Variants in AIG1 observed in about 807,000 individuals in gnomAD.
AIG1 encodes androgen-induced gene 1 protein.
Under a neutral mutation model 31.4 loss-of-function variants are expected in AIG1, and 23 were observed. That is an observed-to-expected ratio of 0.73 (90% CI 0.53 to 1.04). AIG1 has a LOEUF of 1.04. AIG1 is among the 50% of genes least tolerant of loss of function. AIG1 has a pLI of 0.00. For synonymous variants in AIG1, 100 were observed against 110.5 expected (o/e 0.90, Z 0.60); for missense variants, 274 against 295.0 (o/e 0.93, Z 0.52).
intron 1 of AIG1, among the ~76,000 whole-genome samples, chr6:143,089,048 T>TA (rs891417182): frequency 4.6e-5 from 7 of 152,000 alleles, no homozygotes; most frequent in African/African-American, 1.2e-4. Flanking sequence ...CCATCTCTAC[T>TA]AAAAATACAA....
chr6:143,225,406 A>G (rs150687977), intron 3 of AIG1, among the ~76,000 whole-genome samples: 7 of 152,322 alleles, frequency 4.6e-5, no homozygotes, highest in African/African-American at 1.7e-4. Context: ...TTGTTGAACA[A>G]TGAATAAATG....
intron 4 of AIG1, among the ~76,000 whole-genome samples, chr6:143,307,861 A>T (rs1409912108): frequency 6.6e-6 from 1 of 152,242 alleles, no homozygotes; most frequent in Non-Finnish European, 1.5e-5. Context: ...GGCTCCACCC[A>T]GTTCAAGCTT....
chr6:143,073,465 G>T (rs1026758593), intron 1 of AIG1, among the ~76,000 whole-genome samples: 25 of 151,854 alleles, frequency 1.6e-4, no homozygotes, highest in African/African-American at 6.0e-4. Flanking sequence ...ACTCTTTTTC[G>T]TATGGCTCTA....
At chr6:143,108,844 C>T (rs1225760371) in intron 1 of AIG1, among the ~76,000 whole-genome samples, 1 of 152,088 alleles carries the variant, frequency 6.6e-6, no homozygotes, top group Non-Finnish European at 1.5e-5. Flanking sequence ...TTTTTATTTT[C>T]AAAGCAAACC....
At chr6:143,077,340 C>A (rs964999622) in intron 1 of AIG1, among the ~76,000 whole-genome samples, 3 of 152,170 alleles carry the variant, frequency 2.0e-5, no homozygotes, top group Non-Finnish European at 4.4e-5. Context: ...GATATCATTT[C>A]CCTTCAGCTT....
chr6:143,266,081 G>A (rs891307992), intron 3 of AIG1, among the ~76,000 whole-genome samples: 3 of 152,220 alleles, frequency 2.0e-5, no homozygotes, highest in Admixed American at 6.5e-5. Flanking sequence ...TGGGCGCCAT[G>A]GCTCACGCCT....
chr6:143,174,486 CAAAAAAAA>C (rs71024844), intron 3 of AIG1, among the ~76,000 whole-genome samples: 1 of 59,660 alleles, frequency 1.7e-5, no homozygotes, highest in Non-Finnish European at 3.7e-5. Context: ...GACTCCGTCT[CAAAAAAAA>C]AAAAAAAAAA....
At chr6:143,180,017 TCA>T (rs757309540) in intron 3 of AIG1, among the ~76,000 whole-genome samples, 5 of 152,226 alleles carry the variant, frequency 3.3e-5, no homozygotes, top group Non-Finnish European at 4.4e-5. Context: ...TGGAAGAATG[TCA>T]CATTTACATT....
intron 3 of AIG1, among the ~76,000 whole-genome samples, chr6:143,252,113 CTTGTT>C (rs1173978131): frequency 6.6e-6 from 1 of 152,032 alleles, no homozygotes; most frequent in South Asian, 2.1e-4. Flanking sequence ...GCTTTTTCAT[CTTGTT>C]TTGTTTTGTT....
rs1233076806 is a variant in AIG1 at position 143,340,784 on chromosome 6, T to G, written c.*1108T>G. Reference sequence around the variant, plus strand: ...GCCACAAAATTGTTTTTAAAAAAACTATTTTACAAAATCTTTGACCGTAAT... The same window carrying G: ...GCCACAAAATTGTTTTTAAAAAAACGATTTTACAAAATCTTTGACCGTAAT... On this transcript the variant is annotated 3_prime_UTR_variant, in exon 6 of 6. Transcript: ENST00000357847. Among the ~76,000 whole-genome samples, 1 of 152,274 alleles carries G rather than the reference T, an allele frequency of 6.6e-6. No homozygotes were observed. Among genetic ancestry groups the G allele is most frequent in the Non-Finnish European group, 1.5e-5 (1 of 68,010 alleles).
At chr6:143,185,305 C>T (rs946342516) in intron 3 of AIG1, among the ~76,000 whole-genome samples, 8 of 152,148 alleles carry the variant, frequency 5.3e-5, no homozygotes, top group African/African-American at 1.7e-4. Flanking sequence ...TACTGAGGTG[C>T]TGGCTGACTT....
chr6:143,286,715 TA>T (rs1362194435), intron 4 of AIG1, among the ~76,000 whole-genome samples: 2 of 152,066 alleles, frequency 1.3e-5, no homozygotes, highest in African/African-American at 2.4e-5. Context: ...TCATCACATG[TA>T]AATTATAAAA....
chr6:143,249,157 T>A (rs376906974), intron 3 of AIG1, among the ~76,000 whole-genome samples: 3 of 152,202 alleles, frequency 2.0e-5, no homozygotes, highest in East Asian at 3.8e-4. Flanking sequence ...ACCTGAGATG[T>A]TAATGACCAC....
intron 3 of AIG1, among the ~76,000 whole-genome samples, chr6:143,184,178 G>A (rs1789007245): frequency 6.6e-6 from 1 of 152,184 alleles, no homozygotes; most frequent in African/African-American, 2.4e-5. Flanking sequence ...CAGTGATGGA[G>A]CTTCAATAGC....
intron 1 of AIG1, among the ~76,000 whole-genome samples, chr6:143,134,219 C>T (rs1783520554): frequency 6.6e-6 from 1 of 151,808 alleles, no homozygotes; most frequent in African/African-American, 2.4e-5. Flanking sequence ...CAGTTGAAGC[C>T]CTGTGCAGAT....
Position 143,299,359 on chromosome 6 carries a change from G to T in AIG1, c.515+15134G>T, listed in dbSNP as rs753782162. 2.6e-5 allele frequency: 4 copies of T among 152,202 alleles called. No homozygotes were observed. Among genetic ancestry groups the T allele is most frequent in the Admixed American group, 6.5e-5 (1 of 15,274 alleles). The allele number at this position is 152,202 out of a possible 1,614,324, so 9.4% of individuals were successfully genotyped here. A position where few individuals can be genotyped will look rare whatever the true frequency, so the allele number is the denominator to read the frequency against. On this transcript the variant is annotated intron_variant, in intron 4 of 5. Coordinates refer to ENST00000357847, the MANE Select transcript of AIG1 (RefSeq NM_016108.4). The surrounding 1 kb of genome is among the most constrained non-coding windows in gnomAD (Gnocchi z 4.1). Reference sequence around the variant, plus strand: ...CGAGAAATAGCATGACATAGGGCAGGTGTAACTGTCATAGAAGGGCATTGT... The same window carrying T: ...CGAGAAATAGCATGACATAGGGCAGTTGTAACTGTCATAGAAGGGCATTGT...
In AIG1 at chr6:143,330,727, A is replaced by G. The variant is rs917728363; in HGVS notation, c.516-2555A>G. Among the ~76,000 whole-genome samples, 4 of 152,194 alleles carry G rather than the reference A, an allele frequency of 2.6e-5. No homozygotes were observed. The highest frequency in any genetic ancestry group is 9.7e-5 in the African/African-American group (4 of 41,430). ...TGTAGCACAGACTGATTAAAATTTT[A>G]TAAGTTGATTTGCAACATCAATTAC... On this transcript the variant is annotated intron_variant, in intron 4 of 5. Transcript: ENST00000357847. The surrounding 1 kb of genome is among the most constrained non-coding windows in gnomAD (Gnocchi z 4.4).
At chr6:143,205,331 C>T (rs1036629377) in intron 3 of AIG1, among the ~76,000 whole-genome samples, 2 of 152,208 alleles carry the variant, frequency 1.3e-5, no homozygotes, top group Non-Finnish European at 2.9e-5. Context: ...GGGTGACAGT[C>T]TGGCAGGTAT....
chr6:143,069,649 A>C (rs1017589832), intron 1 of AIG1, among the ~76,000 whole-genome samples: 1 of 152,194 alleles, frequency 6.6e-6, no homozygotes, highest in Non-Finnish European at 1.5e-5. Context: ...CATTTAAAAA[A>C]TACTGGGTTG....
Sources: allele counts gnomAD v4.1 joint callset (sites outside exome capture counted in the v4.1 genomes callset), GRCh38; gene constraint gnomAD v4.1.1; non-coding constraint Gnocchi (gnomAD v3.1); transcripts MANE v1.5; gene names NCBI Gene and HGNC (gene_info 2026-07-23, HGNC 2026-07-21).